The following IGSF10 variants were observed in gnomAD, a reference collection of about 807,000 sequenced individuals.
The protein encoded by IGSF10 is calvaria mechanical force protein 608.
Under a neutral mutation model 128.2 loss-of-function variants are expected in IGSF10, and 126 were observed. The ratio of observed to expected loss-of-function variants is 0.98; its 90% CI spans 0.85 to 1.14. The LOEUF is 1.14. Among genes scored for constraint, IGSF10 ranks in the 50% most tolerant of loss-of-function variants. IGSF10 has a pLI of 0.00. For synonymous variants in IGSF10, 1,185 were observed against 1,146.2 expected, an observed-to-expected ratio of 1.03 and a Z score of -0.68; for missense variants, 3,295 against 3,149.8, an observed-to-expected ratio of 1.05 and a Z score of -1.10.
chr3:151,465,375 A>G (rs573663800), upstream of IGSF10, among the ~76,000 whole-genome samples: 2 of 152,320 alleles, frequency 1.3e-5, no homozygotes, highest in Admixed American at 1.3e-4. Flanking sequence ...GTGCCTGAAG[A>G]GCAGCTCTGC....
chr3:151,602,932 A>G, the IGSF10 span, among the ~76,000 whole-genome samples: 1 of 152,208 alleles, frequency 6.6e-6, no homozygotes, highest in Non-Finnish European at 1.5e-5. Context: ...GCTCAGGTAA[A>G]GCGGTTGAAG....
At chr3:151,498,548 C>T in the IGSF10 span, among the ~76,000 whole-genome samples, 3 of 152,032 alleles carry the variant, frequency 2.0e-5, no homozygotes. Context: ...TAAACAGAAC[C>T]AATGACAAAA....
chr3:151,510,670 T>A, the IGSF10 span, among the ~76,000 whole-genome samples: 1 of 152,036 alleles, frequency 6.6e-6, no homozygotes, highest in African/African-American at 2.4e-5. Context: ...TACTCTGAGC[T>A]AAAGGAGGAA....
the IGSF10 span, among the ~76,000 whole-genome samples, chr3:151,483,500 G>C: frequency 1.3e-5 from 2 of 152,158 alleles, no homozygotes; most frequent in Non-Finnish European, 1.5e-5. Context: ...ATGTAGAAAA[G>C]AAAAGAGGGG....
chr3:151,509,079 T>C, the IGSF10 span, among the ~76,000 whole-genome samples: 1 of 152,180 alleles, frequency 6.6e-6, no homozygotes, highest in East Asian at 1.9e-4. Context: ...AGAAGATTCA[T>C]GAAAGGATGA....
the IGSF10 span, among the ~76,000 whole-genome samples, chr3:151,611,494 A>G: frequency 7.2e-5 from 11 of 152,212 alleles, no homozygotes; most frequent in Non-Finnish European, 1.2e-4. Flanking sequence ...TTCTGTAAGT[A>G]GAGGCAAAGG....
chr3:151,470,144 C>T, the IGSF10 span, among the ~76,000 whole-genome samples: 1 of 152,182 alleles, frequency 6.6e-6, no homozygotes, highest in Non-Finnish European at 1.5e-5. Flanking sequence ...CTTAATGACA[C>T]TACAGTTGCC....
chr3:151,553,644 ACAATATATATT>A, the IGSF10 span, among the ~76,000 whole-genome samples: 25 of 151,468 alleles, frequency 1.7e-4, no homozygotes, highest in African/African-American at 5.8e-4. Flanking sequence ...CTATATATAT[ACAATATATATT>A]TACAATATAT....
the IGSF10 span, among the ~76,000 whole-genome samples, chr3:151,522,528 G>T: frequency 6.6e-6 from 1 of 152,094 alleles, no homozygotes; most frequent in Non-Finnish European, 1.5e-5. Flanking sequence ...ATGCAAGGTT[G>T]GTTCAACATA....
Position 151,448,050 on chromosome 3 carries a change from C to A in IGSF10, c.1931G>T (p.Arg644Leu), listed in dbSNP as rs199518471. The A allele has an allele frequency of 2.5e-6, 4 of 1,614,108 alleles. No homozygotes were observed. Among genetic ancestry groups the A allele is most frequent in the Non-Finnish European group, 8.5e-7 (1 of 1,180,030 alleles). ...QVTPKDQGYY[R>L]CVAANPSGVD... ...CCCTGATGGGTTGGCTGCCACACAG[C>A]GATAATAACCTTGGTCTTTCGGGGT... The change falls in exon 6 of 8, where the codon CGC becomes CTC. Residue 644 changes from arginine to leucine, a missense_variant. By Grantham distance (102) the Arg-to-Leu change is moderately radical. Coordinates refer to ENST00000282466, the MANE Select transcript of IGSF10 (RefSeq NM_178822.5).
At chr3:151,535,510 G>T in the IGSF10 span, among the ~76,000 whole-genome samples, 4 of 152,122 alleles carry the variant, frequency 2.6e-5, no homozygotes, top group African/African-American at 9.7e-5. Context: ...CTACCTGGGT[G>T]AAGGAATCAA....
At chr3:151,502,900 G>A in the IGSF10 span, among the ~76,000 whole-genome samples, 1 of 151,998 alleles carries the variant, frequency 6.6e-6, no homozygotes, top group African/African-American at 2.4e-5. Context: ...TAGCAAATTT[G>A]AACTTCTATT....
the IGSF10 span, among the ~76,000 whole-genome samples, chr3:151,611,172 G>T: frequency 6.6e-6 from 1 of 152,152 alleles, no homozygotes; most frequent in Non-Finnish European, 1.5e-5. Flanking sequence ...AATTTAGCTT[G>T]TCATATGCAA....
intron 2 of IGSF10, among the ~76,000 whole-genome samples, chr3:151,459,381 G>T (rs927208647): frequency 6.6e-6 from 1 of 151,930 alleles, no homozygotes; most frequent in African/African-American, 2.4e-5. Flanking sequence ...TTTTTTAAAG[G>T]TTGTAATAAT....
the IGSF10 span, among the ~76,000 whole-genome samples, chr3:151,526,814 C>T: frequency 1.3e-5 from 2 of 152,112 alleles, no homozygotes; most frequent in Admixed American, 1.3e-4. Flanking sequence ...TTACCTAGTT[C>T]CCTGCCGGAA....
At chr3:151,466,831 G>A in the IGSF10 span, among the ~76,000 whole-genome samples, 9 of 152,068 alleles carry the variant, frequency 5.9e-5, no homozygotes, top group African/African-American at 1.2e-4. Context: ...CACCCGCCTC[G>A]GCCTCCTAAA....
In IGSF10 at chr3:151,436,761, A is replaced by G; in HGVS notation, c.7800T>C (p.Ser2600=). The G allele has an allele frequency of 6.2e-7, 1 of 1,614,198 alleles. No individual in the cohort carries two copies. Among genetic ancestry groups the G allele is most frequent in the Non-Finnish European group, 8.5e-7 (1 of 1,180,026 alleles). ...TCTTTGCTGTGCATTTGTATATCCCAGAATCGGAGGTTTGGGGATTCTGAA... is the reference window on the plus strand; with the variant it reads ...TCTTTGCTGTGCATTTGTATATCCCGGAATCGGAGGTTTGGGGATTCTGAA... The part of the protein sequence containing the change: ...LVIQNPQTSD[S]GIYKCTAKNP... Residue 2600 remains serine, a synonymous_variant, in exon 8 of 8, where the codon TCT becomes TCC. Transcript: ENST00000282466.
At chr3:151,531,202 A>C in the IGSF10 span, among the ~76,000 whole-genome samples, 3 of 152,186 alleles carry the variant, frequency 2.0e-5, no homozygotes, top group Admixed American at 2.0e-4. Context: ...GTTCTGAGAG[A>C]CCTAAAAAGA....
chr3:151,553,163 G>T, the IGSF10 span, among the ~76,000 whole-genome samples: 1 of 152,012 alleles, frequency 6.6e-6, no homozygotes, highest in Non-Finnish European at 1.5e-5. Context: ...TAACAATTAC[G>T]GTTATACATC....
Sources: allele counts gnomAD v4.1 joint callset (sites outside exome capture counted in the v4.1 genomes callset), GRCh38; gene constraint gnomAD v4.1.1; transcripts MANE v1.5; gene names NCBI Gene and HGNC (gene_info 2026-07-23, HGNC 2026-07-21).